The following SRC variants were observed in gnomAD, a reference collection of about 807,000 sequenced individuals.
SRC encodes the protein proto-oncogene tyrosine-protein kinase Src.
A neutral mutation model predicts 62.9 loss-of-function variants in SRC; 13 were observed. The observed-to-expected ratio is 0.21, with a 90% CI of 0.13 to 0.33. SRC has a LOEUF of 0.33. Ranked by LOEUF, SRC falls within the 10% of genes least tolerant of loss-of-function variation. SRC has a pLI of 1.00. For synonymous variants in SRC, 302 were observed against 317.5 expected, an observed-to-expected ratio of 0.95 and a Z score of 0.52; for missense variants, 457 against 737.3, an observed-to-expected ratio of 0.62 and a Z score of 4.40.
chr20:37,365,345 C>T (rs1384387094), intron 2 of SRC, 68 bp downstream of exon 2: 1 of 151,458 alleles, frequency 6.6e-6, no homozygotes, highest in Non-Finnish European at 1.5e-5. Flanking sequence ...CACACACACA[C>T]ACACACACAC....
chr20:37,358,799 C>T (rs983741254), intron 1 of SRC, among the ~76,000 whole-genome samples: 8 of 152,252 alleles, frequency 5.3e-5, no homozygotes, highest in Middle Eastern at 3.2e-3. Context: ...AGGCCCCGTC[C>T]CCAGTGCACC....
chr20:37,371,646 T>G (rs2070166948), intron 2 of SRC, among the ~76,000 whole-genome samples: 1 of 152,164 alleles, frequency 6.6e-6, no homozygotes, highest in Non-Finnish European at 1.5e-5. Context: ...CTTTTCACAG[T>G]GTCTTAAGGT....
chr20:37,386,217 G>A lies in SRC; in HGVS notation c.350+43G>A, dbSNP rs992407189. On this transcript the variant is annotated intron_variant, in intron 5 of 13. Transcript: ENST00000373578. ...TATTGCCCCTCAGGGCTGGGTGGTG[G>A]GACTTCAAAGCGGGCAGGGGCTCAT... 25 of 1,576,056 alleles carry A rather than the reference G, an allele frequency of 1.6e-5. No individual in the cohort carries two copies. In the Admixed American group the frequency reaches 2.5e-4, roughly 16 times the overall value.
At position 37,402,604 on chromosome 20, in the gene SRC, G is replaced by A. The variant is rs1263173657; in HGVS notation, c.1270+16G>A. On this transcript the variant is annotated intron_variant, in intron 12 of 13. Transcript: ENST00000373578. This position sits in a 1 kb window ranked among gnomAD's most constrained non-coding sequence, Gnocchi z 6.2. ...GCGCGGCAAGGTGGGCAGGGGCTGT[G>A]TGGTATGTCGCGCTTGGCCTGGGAC... is the stretch of plus-strand genomic sequence containing the variant. The A allele has an allele frequency of 5.0e-6, 8 of 1,602,800 alleles. No homozygotes were observed. In the South Asian group the frequency reaches 7.8e-5, roughly 16 times the overall value.
chr20:37,380,944 G>A (rs1362849120), intron 2 of SRC, among the ~76,000 whole-genome samples: 1 of 151,738 alleles, frequency 6.6e-6, no homozygotes, highest in Non-Finnish European at 1.5e-5. Context: ...GCCTGGTAAC[G>A]TTCCGTGCCA....
intron 2 of SRC, among the ~76,000 whole-genome samples, chr20:37,367,052 A>G (rs1207644076): frequency 6.6e-6 from 1 of 151,124 alleles, no homozygotes; most frequent in African/African-American, 2.4e-5. Context: ...GATTCTAGCC[A>G]TCCATCCTAG....
chr20:37,402,279 G>C lies in SRC; in HGVS notation c.1117-156G>C, dbSNP rs112327100. Reference sequence around the variant, plus strand: ...CCCGCAGAGCACTGCTCCTGCTTTCGATGCCAACAGCATTTACTGTGAACT... The same window carrying C: ...CCCGCAGAGCACTGCTCCTGCTTTCCATGCCAACAGCATTTACTGTGAACT... On this transcript the variant is annotated intron_variant, in intron 11 of 13. Transcript: ENST00000373578. The surrounding 1 kb of genome is among the most constrained non-coding windows in gnomAD (Gnocchi z 6.2). 7 of 857,950 alleles carry C rather than the reference G, an allele frequency of 8.2e-6. No individual in the cohort carries two copies. Among genetic ancestry groups the C allele is most frequent in the Non-Finnish European group, 1.8e-6 (1 of 565,592 alleles). 53.1% of individuals were successfully genotyped at this position (857,950 alleles called of 1,614,324 possible). A position where few individuals can be genotyped will look rare whatever the true frequency, so the allele number is the denominator to read the frequency against.
At chr20:37,400,316 C>T in intron 10 of SRC, 22 bp downstream of exon 10, 2 of 1,587,768 alleles carry the variant, frequency 1.3e-6, no homozygotes, top group Non-Finnish European at 1.7e-6. Context: ...GCGGCCGGGG[C>T]AGGGGGCAGG....
chr20:37,368,430 CAAAT>C (rs2070099079), intron 2 of SRC, among the ~76,000 whole-genome samples: 2 of 137,950 alleles, frequency 1.4e-5, no homozygotes, highest in African/African-American at 2.6e-5. Context: ...AACAAACAGA[CAAAT>C]AAACAAACAA....
chr20:37,365,575 C>A (rs533935188), intron 2 of SRC, among the ~76,000 whole-genome samples: 5 of 152,098 alleles, frequency 3.3e-5, no homozygotes, highest in Non-Finnish European at 5.9e-5. Flanking sequence ...CTCAATATTA[C>A]ATATTTGCAA....
rs751370904 is a variant in SRC, at chr20:37,394,230, A to G, written c.506A>G (p.Glu169Gly). 1.9e-6 allele frequency: 3 copies of G among 1,614,094 alleles called. No homozygotes were observed. The highest frequency in any genetic ancestry group is 2.5e-6 in the Non-Finnish European group (3 of 1,180,032). The change falls in exon 7 of 14, where the codon GAG (glutamate) becomes GGG (glycine). Residue 169 changes from glutamate (E) to glycine (G), a missense_variant. Around this residue, in one of 4 missense-constraint regions of SRC, gnomAD observed 141 missense variants for 198.4 expected, o/e 0.71. Transcript: ENST00000373578. ...RESERLLLNA[E>G]NPRGTFLVRE... ...TCAGAGCGGTTACTGCTCAATGCAG[A>G]GAACCCGAGAGGGACCTTCCTCGTG...
intron 1 of SRC, among the ~76,000 whole-genome samples, chr20:37,350,875 T>C (rs187783699): frequency 2.6e-4 from 40 of 152,306 alleles, no homozygotes; most frequent in African/African-American, 8.9e-4. Context: ...GGGCACAGGA[T>C]AAGAGAGTAT....
intron 10 of SRC, among the ~76,000 whole-genome samples, chr20:37,401,343 G>A (rs1272619555): frequency 2.0e-5 from 3 of 152,092 alleles, no homozygotes; most frequent in East Asian, 3.9e-4. Context: ...GTTTGTTCCT[G>A]TTGTTGCTGA....
At position 37,351,046 on chromosome 20, in the gene SRC, C is replaced by T. The variant is rs919048520; in HGVS notation, c.-247+4791C>T. On this transcript the variant is annotated intron_variant, in intron 1 of 13. Transcript: ENST00000373578. This position sits in a 1 kb window ranked among gnomAD's most constrained non-coding sequence, Gnocchi z 4.4. Reference sequence around the variant, plus strand: ...CCAGGACTCTCCCCAGCCAGCCAGCCTCCTCCTTCCCACAGTACAGCCTGG... The same window carrying T: ...CCAGGACTCTCCCCAGCCAGCCAGCTTCCTCCTTCCCACAGTACAGCCTGG... 7.2e-5 allele frequency among the ~76,000 whole-genome samples: 11 copies of T among 152,216 alleles called. No individual in the cohort carries two copies. Among genetic ancestry groups the T allele is most frequent in the African/African-American group, 2.7e-4 (11 of 41,442 alleles).
At position 37,396,489 on chromosome 20, in the gene SRC, CT is replaced by C; in HGVS notation, c.703+180del. The C allele has an allele frequency of 1.3e-6, 1 of 759,880 alleles. No homozygotes were observed. The highest frequency in any genetic ancestry group is 2.1e-6 in the Non-Finnish European group (1 of 481,410). 47.1% of individuals were successfully genotyped at this position (759,880 alleles called of 1,614,324 possible). On this transcript the variant is annotated intron_variant, in intron 8 of 13. Coordinates refer to ENST00000373578, the MANE Select transcript of SRC (RefSeq NM_198291.3). The surrounding 1 kb of genome is among the most constrained non-coding windows in gnomAD (Gnocchi z 6.1). ...TCCCTCCTTTCCTTGTCTCCTTCTT[CT>C]TCCTCTTCTTTCCCCCAGCCCCCCT... is the stretch of plus-strand genomic sequence containing the variant.
intron 1 of SRC, among the ~76,000 whole-genome samples, chr20:37,354,386 G>C (rs1187225802): frequency 6.6e-6 from 1 of 152,188 alleles, no homozygotes; most frequent in Non-Finnish European, 1.5e-5. Context: ...GTGGGGCTGG[G>C]GTGGGGACTG....
In SRC at chr20:37,401,667, A is replaced by G; in HGVS notation, c.1105A>G (p.Met369Val). The change falls in exon 11 of 14, where the codon ATG becomes GTG. Residue 369 changes from methionine to valine, a missense_variant. Physicochemically the swap from Met to Val is conservative, Grantham distance 21 (BLOSUM62 1). Transcript: ENST00000373578. ...CCTGCGGCTGCCTCAGCTGGTGGACATGGCTGCTCAGGTGAGTCAGCCCCT... is the reference window on the plus strand; with the variant it reads ...CCTGCGGCTGCCTCAGCTGGTGGACGTGGCTGCTCAGGTGAGTCAGCCCCT... ...KYLRLPQLVDMAAQIASGMAY... is the reference protein window; with the variant it reads ...KYLRLPQLVDVAAQIASGMAY... The G allele has an allele frequency of 1.2e-6, 2 of 1,609,988 alleles. No individual in the cohort carries two copies. The highest frequency in any genetic ancestry group is 1.7e-6 in the Non-Finnish European group (2 of 1,178,342).
At chr20:37,372,420 G>A (rs1190453092) in intron 2 of SRC, among the ~76,000 whole-genome samples, 2 of 151,906 alleles carry the variant, frequency 1.3e-5, no homozygotes, top group African/African-American at 4.8e-5. Flanking sequence ...AAGCTTTTTG[G>A]TGATTTATTC....
intron 5 of SRC, among the ~76,000 whole-genome samples, chr20:37,393,030 C>CT (rs2070577610): frequency 1.3e-5 from 2 of 152,308 alleles, no homozygotes; most frequent in East Asian, 3.9e-4. Flanking sequence ...TTCCGCCCCT[C>CT]CCCGCTCCCG....
Sources: allele counts gnomAD v4.1 joint callset (sites outside exome capture counted in the v4.1 genomes callset), GRCh38; gene constraint gnomAD v4.1.1; regional missense constraint gnomAD v4.1.1; non-coding constraint Gnocchi (gnomAD v3.1); transcripts MANE v1.5; gene names NCBI Gene and HGNC (gene_info 2026-07-23, HGNC 2026-07-21).